Variants in XPR1 observed in about 807,000 individuals in gnomAD.
XPR1 encodes the protein solute carrier family 53 member 1.
A neutral mutation model predicts 87.5 loss-of-function variants in XPR1; 28 were observed. The observed-to-expected ratio is 0.32, with a 90% CI of 0.24 to 0.44. The LOEUF (loss-of-function observed/expected upper bound fraction) is 0.44, where lower values mean the gene tolerates loss of function less well. Among genes scored for constraint, XPR1 ranks in the 20% least tolerant of loss-of-function variants. The pLI is 1.00. For synonymous variants in XPR1, 300 were observed against 306.1 expected (o/e 0.98, Z 0.21); for missense variants, 559 against 862.3 (o/e 0.65, Z 4.41).
rs748853684 is a variant in XPR1, at chr1:180,863,878, T to C, written c.1668+4T>C. On this transcript the variant is annotated splice_donor_region_variant and intron_variant, in intron 12 of 14. Transcript: ENST00000367590. ...AGAGATTGTATACCCCCAAAAAGTA[T>C]GTATAAAGAGTGTGTTTGTTTAAAA... is the stretch of plus-strand genomic sequence containing the variant. The C allele has an allele frequency of 3.1e-6, 5 of 1,589,738 alleles. No homozygotes were observed. The highest frequency in any genetic ancestry group is 4.3e-6 in the Non-Finnish European group (5 of 1,170,800).
chr1:180,815,461 AAC>A (rs1289250202), intron 7 of XPR1, among the ~76,000 whole-genome samples: 2 of 152,182 alleles, frequency 1.3e-5, no homozygotes, highest in Admixed American at 1.3e-4. Flanking sequence ...CTTAAAAGAT[AAC>A]AGTGTTGAGA....
intron 6 of XPR1, among the ~76,000 whole-genome samples, chr1:180,810,991 T>TA (rs1257031048): frequency 6.6e-6 from 1 of 152,134 alleles, no homozygotes; most frequent in Non-Finnish European, 1.5e-5. Flanking sequence ...CTGGGTTACT[T>TA]ATAAAACCTA....
Position 180,881,180 on chromosome 1 carries a change from T to C in XPR1, c.2030+883T>C, listed in dbSNP as rs77472918. Among the ~76,000 whole-genome samples the C allele has an allele frequency of 3.3e-5, 5 of 152,176 alleles. 1 individual carries two copies. In the East Asian group the frequency reaches 9.6e-4, roughly 29 times the overall value. ...ATGAGTCACAGATAATTTTTTTTTT[T>C]TGAGATGGAGTCTCGCTCTGTTGCC... is the stretch of plus-strand genomic sequence containing the variant. On this transcript the variant is annotated intron_variant, in intron 14 of 14. Coordinates refer to ENST00000367590, the MANE Select transcript of XPR1 (RefSeq NM_004736.4).
chr1:180,728,604 A>G (rs1286635602), intron 2 of XPR1, among the ~76,000 whole-genome samples: 2 of 152,230 alleles, frequency 1.3e-5, no homozygotes, highest in Non-Finnish European at 2.9e-5. Context: ...AACTTTAGGC[A>G]TCACTCGATA....
At chr1:180,761,500 GC>G in intron 2 of XPR1, among the ~76,000 whole-genome samples, 1 of 152,074 alleles carries the variant, frequency 6.6e-6, no homozygotes, top group Admixed American at 6.5e-5. Flanking sequence ...CATTTATGCA[GC>G]CAAAAAACAC....
intron 2 of XPR1, among the ~76,000 whole-genome samples, chr1:180,682,814 A>G (rs1004817333): frequency 1.3e-5 from 2 of 151,664 alleles, no homozygotes; most frequent in African/African-American, 2.4e-5. Context: ...AATGTTTACA[A>G]TGGATGTGTG....
chr1:180,772,076 G>A (rs1648536285), intron 2 of XPR1, among the ~76,000 whole-genome samples: 1 of 151,580 alleles, frequency 6.6e-6, no homozygotes, highest in Non-Finnish European at 1.5e-5. Context: ...AGGAAGAGCT[G>A]TTCTTTCTCA....
chr1:180,812,688 G>A (rs916168081), intron 7 of XPR1, among the ~76,000 whole-genome samples: 1 of 143,874 alleles, frequency 7.0e-6, no homozygotes, highest in African/African-American at 2.6e-5. Flanking sequence ...TCACACTGTC[G>A]CCAGGTCTGG....
intron 2 of XPR1, among the ~76,000 whole-genome samples, chr1:180,685,772 C>T (rs1226829926): frequency 3.9e-5 from 6 of 152,010 alleles, no homozygotes; most frequent in South Asian, 2.1e-4. Flanking sequence ...AGTTTATGTG[C>T]GTAGAGGTGT....
chr1:180,718,349 T>C (rs1156861839), intron 2 of XPR1, among the ~76,000 whole-genome samples: 1 of 152,210 alleles, frequency 6.6e-6, no homozygotes, highest in Non-Finnish European at 1.5e-5. Context: ...AGAATCATTT[T>C]ATGTGACCAC....
chr1:180,744,650 C>CTT lies in XPR1; in HGVS notation c.122-43101_122-43100dup, dbSNP rs200044209. ...ACTTGTTCAGGTTTAGGCACAATTT[C>CTT]TTTCTTTTTTTTTTTTTTGAGACAG... is the stretch of plus-strand genomic sequence containing the variant. On this transcript the variant is annotated intron_variant, in intron 2 of 14. Coordinates refer to ENST00000367590, the MANE Select transcript of XPR1 (RefSeq NM_004736.4). 4.1e-3 allele frequency among the ~76,000 whole-genome samples: 234 copies of CTT among 56,970 alleles called. 7 individuals are homozygous for CTT. The highest frequency in any genetic ancestry group is 0.013 in the African/African-American group (217 of 17,150). The allele number at this position is 56,970 out of a possible 152,430, so 37.4% of individuals were successfully genotyped here.
intron 9 of XPR1, among the ~76,000 whole-genome samples, chr1:180,827,527 A>G (rs1402040092): frequency 4.6e-5 from 7 of 152,198 alleles, no homozygotes; most frequent in Non-Finnish European, 1.0e-4. Flanking sequence ...TGTTTTTGCT[A>G]ATAAATGAGG....
At chr1:180,856,021 A>T (rs1473883678) in intron 11 of XPR1, among the ~76,000 whole-genome samples, 1 of 152,114 alleles carries the variant, frequency 6.6e-6, no homozygotes, top group African/African-American at 2.4e-5. Context: ...TAGCCTATGT[A>T]CATGCTTAAG....
intron 2 of XPR1, among the ~76,000 whole-genome samples, chr1:180,752,966 C>T (rs937494874): frequency 6.6e-6 from 1 of 151,964 alleles, no homozygotes; most frequent in African/African-American, 2.4e-5. Context: ...ACAGAAGTAC[C>T]AAGTAGTTAA....
intron 1 of XPR1, among the ~76,000 whole-genome samples, chr1:180,656,849 T>C (rs1161823070): frequency 1.3e-5 from 2 of 151,196 alleles, no homozygotes; most frequent in Admixed American, 6.7e-5. Flanking sequence ...ATTCCAGGTA[T>C]ATACCTAGCA....
At chr1:180,709,843 A>G (rs1170001629) in intron 2 of XPR1, among the ~76,000 whole-genome samples, 1 of 148,326 alleles carries the variant, frequency 6.7e-6, no homozygotes, top group Non-Finnish European at 1.5e-5. Context: ...TCTTTTGCCT[A>G]TTTGAAAAAT....
At chr1:180,671,189 G>C (rs938668638) in intron 1 of XPR1, among the ~76,000 whole-genome samples, 1 of 152,202 alleles carries the variant, frequency 6.6e-6, no homozygotes, top group African/African-American at 2.4e-5. Flanking sequence ...GAGGAGTATG[G>C]ACTTTATTTT....
chr1:180,769,817 G>A (rs1399627845), intron 2 of XPR1, among the ~76,000 whole-genome samples: 2 of 152,110 alleles, frequency 1.3e-5, no homozygotes, highest in Non-Finnish European at 2.9e-5. Context: ...TGGGTCATGT[G>A]GTAACTCTAC....
At chr1:180,653,738 T>C (rs1040220882) in intron 1 of XPR1, among the ~76,000 whole-genome samples, 1 of 152,172 alleles carries the variant, frequency 6.6e-6, no homozygotes, top group Non-Finnish European at 1.5e-5. Context: ...CTCTTGTACT[T>C]TGAGGCCATT....
Sources: gnomAD v4.1 joint callset for allele counts (sites outside exome capture counted in the v4.1 genomes callset) on GRCh38, gnomAD v4.1.1 for gene constraint, MANE v1.5 for transcripts, NCBI Gene and HGNC (gene_info 2026-07-23, HGNC 2026-07-21) for gene names.